HHAT: variants seen among roughly 807,000 people sequenced by gnomAD.
The protein encoded by HHAT is hedgehog acyltransferase.
Under a neutral mutation model 70.8 loss-of-function variants are expected in HHAT, and 47 were observed. That is an observed-to-expected ratio of 0.66 (90% CI 0.53 to 0.85). HHAT has a LOEUF of 0.85. Among genes scored for constraint, HHAT ranks in the 40% least tolerant of loss-of-function variants. The pLI, the probability that HHAT is intolerant of heterozygous loss-of-function variation, is 0.00. For missense variants in HHAT, 609 were observed against 604.8 expected (o/e 1.01, Z -0.07); for synonymous variants, 228 against 247.6 (o/e 0.92, Z 0.74).
chr1:210,353,450 TTTTTA>T (rs779591560), intron 2 of HHAT, among the ~76,000 whole-genome samples: 43 of 121,088 alleles, frequency 3.6e-4, no homozygotes, highest in African/African-American at 1.2e-3. Context: ...TTTTTTTTTT[TTTTTA>T]AAAAAAAGCA....
intron 7 of HHAT, among the ~76,000 whole-genome samples, chr1:210,421,593 C>T (rs1009677195): frequency 2.6e-5 from 4 of 152,052 alleles, no homozygotes; most frequent in Non-Finnish European, 5.9e-5. Context: ...TACAGGCATG[C>T]ACCACCGTGC....
intron 8 of HHAT, among the ~76,000 whole-genome samples, chr1:210,493,457 A>C (rs1031337495): frequency 6.6e-6 from 1 of 152,110 alleles, no homozygotes; most frequent in African/African-American, 2.4e-5. Context: ...AATAAGGCCC[A>C]CCCACATTAT....
chr1:210,491,991 G>A (rs1046678706), intron 8 of HHAT, among the ~76,000 whole-genome samples: 2 of 152,102 alleles, frequency 1.3e-5, no homozygotes, highest in African/African-American at 2.4e-5. Context: ...TTGAACTCCT[G>A]ACCTCAGGCA....
intron 7 of HHAT, among the ~76,000 whole-genome samples, chr1:210,447,512 G>C (rs2093659955): frequency 1.3e-5 from 2 of 152,214 alleles, no homozygotes; most frequent in African/African-American, 4.8e-5. Flanking sequence ...ATCAGAAAGG[G>C]AGTTGGTTTA....
In HHAT at chr1:210,674,405, G is replaced by A. The variant is rs757529570; in HGVS notation, c.*26G>A. The A allele has an allele frequency of 2.5e-6, 4 of 1,583,176 alleles. No homozygotes were observed. Among genetic ancestry groups the A allele is most frequent in the Non-Finnish European group, 3.5e-6 (4 of 1,152,438 alleles). ...TGCTGTTGGGCCCAGGCCAGTCCTTGTTGCTGGCCTCCAAGGCAAATAGTG... is the reference window on the plus strand; with the variant it reads ...TGCTGTTGGGCCCAGGCCAGTCCTTATTGCTGGCCTCCAAGGCAAATAGTG... On this transcript the variant is annotated 3_prime_UTR_variant, in exon 12 of 12. Coordinates refer to ENST00000261458, the MANE Select transcript of HHAT (RefSeq NM_018194.6).
At chr1:210,365,295 C>T (rs1161853869) in intron 3 of HHAT, among the ~76,000 whole-genome samples, 4 of 144,636 alleles carry the variant, frequency 2.8e-5, no homozygotes, top group Admixed American at 7.0e-5. Context: ...TGGTAAACCT[C>T]AGTACTGCTG....
intron 2 of HHAT, among the ~76,000 whole-genome samples, chr1:210,361,049 T>C (rs72745424): frequency 0.11 from 16,170 of 152,168 alleles, 1,052 homozygotes; most frequent in Non-Finnish European, 0.15. Flanking sequence ...CCACTGCTTT[T>C]GAATGAACTC....
chr1:210,542,186 G>A (rs1436996784), intron 9 of HHAT, among the ~76,000 whole-genome samples: 4 of 152,102 alleles, frequency 2.6e-5, no homozygotes, highest in Admixed American at 6.6e-5. Context: ...GACAACCTAC[G>A]TATCCTTATA....
intron 10 of HHAT, among the ~76,000 whole-genome samples, chr1:210,604,255 T>TTTA (rs1438378410): frequency 6.6e-6 from 1 of 150,820 alleles, no homozygotes. Flanking sequence ...ATTTTTTTTT[T>TTTA]TTTTGTATTT....
Position 210,674,400 on chromosome 1 carries a change from T to TGG in HHAT, c.*21_*22insGG. 1 of 1,593,374 alleles carries TGG rather than the reference T, an allele frequency of 6.3e-7. No homozygotes were observed. Among genetic ancestry groups the TGG allele is most frequent in the Non-Finnish European group, 8.6e-7 (1 of 1,161,438 alleles). ...ACTAATGCTGTTGGGCCCAGGCCAG[T>TGG]CCTTGTTGCTGGCCTCCAAGGCAAA... On this transcript the variant is annotated 3_prime_UTR_variant, in exon 12 of 12. Coordinates refer to ENST00000261458, the MANE Select transcript of HHAT (RefSeq NM_018194.6).
At chr1:210,345,222 AT>A (rs2086413038) in intron 1 of HHAT, among the ~76,000 whole-genome samples, 1 of 152,162 alleles carries the variant, frequency 6.6e-6, no homozygotes, top group Non-Finnish European at 1.5e-5. Flanking sequence ...CCTGCTTTGC[AT>A]CCTGAGCTGC....
At chr1:210,397,431 G>A (rs1481249717) in intron 4 of HHAT, among the ~76,000 whole-genome samples, 4 of 152,102 alleles carry the variant, frequency 2.6e-5, no homozygotes, top group East Asian at 1.9e-4. Flanking sequence ...TGAGTTTGAC[G>A]TACAGTATGT....
chr1:210,589,457 G>A (rs774952597), intron 10 of HHAT: 1 of 152,130 alleles, frequency 6.6e-6, no homozygotes, highest in African/African-American at 2.4e-5. Flanking sequence ...CAAAAAGGAT[G>A]GTATCATAAA....
Position 210,337,498 on chromosome 1 carries a change from G to A in HHAT, c.-44+8394G>A, listed in dbSNP as rs115687544. On this transcript the variant is annotated intron_variant, in intron 1 of 11. Transcript: ENST00000261458. ...GTCAGCAGGGTTCATTTGTTCTGAAGGTTCTAGGGAACAATCTTTTTGTTG... is the reference window on the plus strand; with the variant it reads ...GTCAGCAGGGTTCATTTGTTCTGAAAGTTCTAGGGAACAATCTTTTTGTTG... Among the ~76,000 whole-genome samples, 1,036 of 152,232 alleles carry A rather than the reference G, an allele frequency of 6.8e-3. 7 individuals are homozygous for A. The highest frequency in any genetic ancestry group is 0.024 in the African/African-American group (1,008 of 41,540).
intron 7 of HHAT, among the ~76,000 whole-genome samples, chr1:210,420,267 TTTC>T (rs1303561230): frequency 7.6e-6 from 1 of 132,360 alleles, no homozygotes; most frequent in Non-Finnish European, 1.7e-5. Flanking sequence ...GTGACTTGGT[TTTC>T]TTGTTTAACA....
intron 4 of HHAT, among the ~76,000 whole-genome samples, chr1:210,393,392 C>T (rs2091578718): frequency 6.6e-6 from 1 of 152,156 alleles, no homozygotes; most frequent in Non-Finnish European, 1.5e-5. Flanking sequence ...GTCTTGGGTC[C>T]TGGGGGAAAG....
chr1:210,609,774 G>C (rs1196785645), intron 10 of HHAT, among the ~76,000 whole-genome samples: 1 of 152,132 alleles, frequency 6.6e-6, no homozygotes. Context: ...TTGGTTTTCT[G>C]TTCCTGCATT....
At chr1:210,389,757 G>A (rs925082626) in intron 4 of HHAT, among the ~76,000 whole-genome samples, 3 of 152,184 alleles carry the variant, frequency 2.0e-5, no homozygotes, top group South Asian at 2.1e-4. Context: ...GTCTCAGGTA[G>A]TTCTTTATAG....
chr1:210,374,017 T>G (rs533103851), intron 3 of HHAT: 1 of 152,350 alleles, frequency 6.6e-6, no homozygotes, highest in East Asian at 1.9e-4. Flanking sequence ...TTCAGACCTT[T>G]GACATGGAAA....
Sources: gnomAD v4.1 joint callset for allele counts (sites outside exome capture counted in the v4.1 genomes callset) on GRCh38, gnomAD v4.1.1 for gene constraint, MANE v1.5 for transcripts, NCBI Gene and HGNC (gene_info 2026-07-23, HGNC 2026-07-21) for gene names.